Variants in COL21A1 observed in about 807,000 individuals in gnomAD.
COL21A1 encodes collagen type XXI alpha 1 chain.
Under a neutral mutation model 137.9 loss-of-function variants are expected in COL21A1, and 149 were observed. The observed-to-expected ratio is 1.08, with a 90% CI of 0.95 to 1.24. The LOEUF is 1.24. Among genes scored for constraint, COL21A1 ranks in the 50% most tolerant of loss-of-function variants. The pLI is 0.00. For missense variants in COL21A1, 1,167 were observed against 1,158.4 expected (o/e 1.01, Z -0.11); for synonymous variants, 456 against 391.5 (o/e 1.16, Z -1.95).
intron 12 of COL21A1, among the ~76,000 whole-genome samples, chr6:56,133,913 T>C (rs974029908): frequency 2.0e-5 from 3 of 152,200 alleles, no homozygotes; most frequent in African/African-American, 7.2e-5. Flanking sequence ...TGTATGGAAA[T>C]GCCTGGATGC....
chr6:56,132,085 C>CT (rs1379775225), intron 12 of COL21A1, among the ~76,000 whole-genome samples: 1 of 150,198 alleles, frequency 6.7e-6, no homozygotes, highest in African/African-American at 2.4e-5. Context: ...AAATAAATAG[C>CT]TTTTTATATA....
chr6:56,355,237 G>C (rs1244896229), intron 1 of COL21A1, among the ~76,000 whole-genome samples: 1 of 152,136 alleles, frequency 6.6e-6, no homozygotes, highest in African/African-American at 2.4e-5. Context: ...GCTGCCAAGG[G>C]GATTGAATAT....
At chr6:56,195,192 C>T (rs2152293627) in intron 1 of COL21A1, among the ~76,000 whole-genome samples, 1 of 152,184 alleles carries the variant, frequency 6.6e-6, no homozygotes, top group Non-Finnish European at 1.5e-5. Flanking sequence ...ATAAATTATG[C>T]AGTTTTGAGT....
chr6:56,128,855 C>A (rs12201485), intron 12 of COL21A1, among the ~76,000 whole-genome samples: 22,809 of 151,910 alleles, frequency 0.15, 1,752 homozygotes, highest in Middle Eastern at 0.22. Flanking sequence ...GGGTTTCACC[C>A]TGTTGGCCAT....
At chr6:56,196,308 A>G (rs919058258) in intron 1 of COL21A1, among the ~76,000 whole-genome samples, 8 of 152,142 alleles carry the variant, frequency 5.3e-5, no homozygotes, top group Non-Finnish European at 1.2e-4. Flanking sequence ...AAGATCAGGA[A>G]GAAACAAGGG....
chr6:56,205,754 G>C (rs9475625), intron 1 of COL21A1, among the ~76,000 whole-genome samples: 1 of 152,110 alleles, frequency 6.6e-6, no homozygotes, highest in Non-Finnish European at 1.5e-5. Context: ...GGTTACCCAC[G>C]AATGGAAGCC....
intron 12 of COL21A1, among the ~76,000 whole-genome samples, chr6:56,132,422 T>G (rs888806170): frequency 2.0e-5 from 3 of 152,032 alleles, no homozygotes; most frequent in Admixed American, 2.0e-4. Flanking sequence ...TTATAAAGAA[T>G]AATGAGGAAG....
chr6:56,364,517 A>G (rs1411872158), intron 1 of COL21A1, among the ~76,000 whole-genome samples: 1 of 152,134 alleles, frequency 6.6e-6, no homozygotes, highest in Non-Finnish European at 1.5e-5. Context: ...CATAAATCCA[A>G]CTTATCTCCA....
chr6:56,135,159 ATT>A (rs1254124850), intron 12 of COL21A1, among the ~76,000 whole-genome samples: 3 of 152,276 alleles, frequency 2.0e-5, no homozygotes, highest in Admixed American at 6.5e-5. Flanking sequence ...GAAAATGAAA[ATT>A]TTCTCTATGG....
At chr6:56,330,321 G>C (rs1482251803) in intron 1 of COL21A1, among the ~76,000 whole-genome samples, 1 of 152,004 alleles carries the variant, frequency 6.6e-6, no homozygotes, top group Non-Finnish European at 1.5e-5. Flanking sequence ...TAAACACAGA[G>C]AGAATACATT....
At chr6:56,256,179 A>G (rs1782967167) in intron 1 of COL21A1, among the ~76,000 whole-genome samples, 2 of 152,198 alleles carry the variant, frequency 1.3e-5, no homozygotes, top group African/African-American at 4.8e-5. Context: ...TAAAATTACT[A>G]ATTACTAAAT....
intron 10 of COL21A1, 43 bp from the exon 11 acceptor site, chr6:56,142,026 A>G: frequency 7.3e-7 from 1 of 1,369,212 alleles, no homozygotes; most frequent in South Asian, 1.4e-5. Context: ...ATTTCATCAT[A>G]TTTACCAAGA....
intron 1 of COL21A1, among the ~76,000 whole-genome samples, chr6:56,200,158 G>C (rs1388255791): frequency 1.3e-5 from 2 of 152,168 alleles, no homozygotes; most frequent in Non-Finnish European, 2.9e-5. Context: ...AGGTCAGTGA[G>C]TCATGCATGT....
chr6:56,189,640 G>A lies in COL21A1; in HGVS notation c.-38-6984C>T, dbSNP rs138224280. 3.7e-4 allele frequency among the ~76,000 whole-genome samples: 56 copies of A among 152,216 alleles called. 1 individual carries two copies. In the East Asian group the frequency reaches 0.011, roughly 30 times the overall value. On this transcript the variant is annotated intron_variant, in intron 1 of 29. Coordinates refer to ENST00000244728, the MANE Select transcript of COL21A1 (RefSeq NM_030820.4). ...AGAACACCACAAAGATACTCCTCGA[G>A]AAGAGCAACCCCAAGACACATAATC... is the stretch of plus-strand genomic sequence containing the variant.
intron 27 of COL21A1, chr6:56,060,457 A>G (rs1031783474): frequency 2.0e-6 from 1 of 509,104 alleles, no homozygotes; most frequent in African/African-American, 2.0e-5. Context: ...CCCAAAAGAA[A>G]TTGGTGGACT....
chr6:56,142,079 A>C, intron 10 of COL21A1, 96 bp from the exon 11 acceptor site: 1 of 908,584 alleles, frequency 1.1e-6, no homozygotes, highest in Non-Finnish European at 1.7e-6. Flanking sequence ...CAAGTTTCTC[A>C]TGCCTAAAAC....
intron 1 of COL21A1, among the ~76,000 whole-genome samples, chr6:56,197,781 A>G (rs866971493): frequency 6.6e-6 from 1 of 152,148 alleles, no homozygotes; most frequent in Non-Finnish European, 1.5e-5. Flanking sequence ...GCCATTATGA[A>G]AAATAGTATA....
rs749599144 is a variant in COL21A1, at chr6:56,077,522, T to C, written c.1857+7A>G. 9 of 1,568,924 alleles carry C rather than the reference T, an allele frequency of 5.7e-6. No homozygotes were observed. The highest frequency in any genetic ancestry group is 1.8e-5 in the Admixed American group (1 of 56,502). On this transcript the variant is annotated splice_region_variant and intron_variant, in intron 18 of 29. Transcript: ENST00000244728. ...CAGGCCCAAAGCTAACTCTCATGAA[T>C]ACTTACCTTTTGGCCCATTAATCCT...
At chr6:56,127,946 A>C (rs10948975) in intron 12 of COL21A1, among the ~76,000 whole-genome samples, 22,842 of 152,044 alleles carry the variant, frequency 0.15, 1,755 homozygotes, top group Middle Eastern at 0.22. Flanking sequence ...CATGCCCATA[A>C]ACGTGGACAT....
Sources: allele counts gnomAD v4.1 joint callset (sites outside exome capture counted in the v4.1 genomes callset), GRCh38; gene constraint gnomAD v4.1.1; transcripts MANE v1.5; gene names NCBI Gene and HGNC (gene_info 2026-07-23, HGNC 2026-07-21).